BAZ2B: variants seen among roughly 807,000 people sequenced by gnomAD.
BAZ2B encodes the protein bromodomain adjacent to zinc finger domain protein 2B.
Under a neutral mutation model 246.0 loss-of-function variants are expected in BAZ2B, and 91 were observed. The observed-to-expected ratio is 0.37, with a 90% CI of 0.31 to 0.44. The LOEUF is 0.44. Ranked by LOEUF, BAZ2B falls within the 20% of genes least tolerant of loss-of-function variation. The pLI is 1.00. For missense variants in BAZ2B, 2,332 were observed against 2,533.7 expected (o/e 0.92, Z 1.71); for synonymous variants, 855 against 860.0 (o/e 0.99, Z 0.10).
At chr2:159,375,798 G>A (rs543566866) in intron 25 of BAZ2B, among the ~76,000 whole-genome samples, 4 of 152,048 alleles carry the variant, frequency 2.6e-5, no homozygotes, top group East Asian at 1.9e-4. Flanking sequence ...GGGAGATGAT[G>A]GAATAAATAA....
the BAZ2B span, among the ~76,000 whole-genome samples, chr2:159,668,893 C>T: frequency 6.6e-6 from 1 of 151,966 alleles, no homozygotes; most frequent in African/African-American, 2.4e-5. Context: ...CCCATCTCCA[C>T]TAAAATACAA....
At chr2:159,508,599 GT>G (rs1639867405) in intron 2 of BAZ2B, among the ~76,000 whole-genome samples, 1 of 117,738 alleles carries the variant, frequency 8.5e-6, no homozygotes, top group Non-Finnish European at 2.0e-5. Context: ...TGCCTCAGAG[GT>G]TTGCCAAAAA....
chr2:159,353,843 T>C (rs936851861), intron 27 of BAZ2B, among the ~76,000 whole-genome samples: 2 of 152,168 alleles, frequency 1.3e-5, no homozygotes, highest in Non-Finnish European at 2.9e-5. Context: ...TGACAAAGTT[T>C]AAATGCAAGA....
At chr2:159,333,929 A>G (rs762142543) in intron 33 of BAZ2B, among the ~76,000 whole-genome samples, 1 of 152,134 alleles carries the variant, frequency 6.6e-6, no homozygotes. Context: ...ACATTCCAAT[A>G]ATCAGTATCT....
chr2:159,681,163 G>T, the BAZ2B span, among the ~76,000 whole-genome samples: 13 of 152,084 alleles, frequency 8.5e-5, no homozygotes, highest in Non-Finnish European at 1.8e-4. Flanking sequence ...TACTATAAGA[G>T]AAAATCTTAT....
intron 1 of BAZ2B, among the ~76,000 whole-genome samples, chr2:159,579,361 C>A (rs1309717193): frequency 6.6e-6 from 1 of 152,108 alleles, no homozygotes; most frequent in Non-Finnish European, 1.5e-5. Context: ...TACACCCTCC[C>A]AAGACTAAAC....
At chr2:159,488,293 G>C (rs1286814384) in intron 2 of BAZ2B, among the ~76,000 whole-genome samples, 1 of 151,970 alleles carries the variant, frequency 6.6e-6, no homozygotes, top group Non-Finnish European at 1.5e-5. Context: ...GGCTGGTCTT[G>C]AACTCCTGAC....
intron 2 of BAZ2B, among the ~76,000 whole-genome samples, chr2:159,518,417 C>A (rs1312324489): frequency 6.6e-6 from 1 of 152,126 alleles, no homozygotes; most frequent in African/African-American, 2.4e-5. Flanking sequence ...TTTAACTGGA[C>A]CTGGTAGTGC....
intron 1 of BAZ2B, among the ~76,000 whole-genome samples, chr2:159,591,454 G>A (rs1304630675): frequency 1.3e-5 from 2 of 152,090 alleles, no homozygotes; most frequent in African/African-American, 4.8e-5. Context: ...GTAGGATAAG[G>A]AAAACAGAAG....
At chr2:159,380,715 A>G (rs185563353) in intron 25 of BAZ2B, among the ~76,000 whole-genome samples, 1 of 152,306 alleles carries the variant, frequency 6.6e-6, no homozygotes, top group East Asian at 1.9e-4. Context: ...CATGCTATGC[A>G]GAGGGTACCT....
In BAZ2B at chr2:159,325,830, G is replaced by C; in HGVS notation, c.6032C>G (p.Thr2011Arg). Residue 2011 changes from threonine (T) to arginine (R), a missense_variant, in exon 35 of 37, where the codon ACA becomes AGA. Thr to Arg is a moderately conservative substitution (Grantham distance 71). Around this residue, in one of 9 missense-constraint regions of BAZ2B, gnomAD observed 210 missense variants for 232.5 expected, o/e 0.90. Transcript: ENST00000392783. ...AGAGTCTTCATCTTCAGTATCTCCT[G>C]TTAAAGTTACCTTCTTGCCTTTCTT... is the stretch of plus-strand genomic sequence containing the variant. ...ESKKGKKVTL[T>R]GDTEDEDSAS... 1 of 1,609,012 alleles carries C rather than the reference G, an allele frequency of 6.2e-7. No individual in the cohort carries two copies. Among genetic ancestry groups the C allele is most frequent in the Non-Finnish European group, 8.5e-7 (1 of 1,178,608 alleles).
Position 159,381,104 on chromosome 2 carries a change from G to A in BAZ2B, c.4005+1455C>T, listed in dbSNP as rs781216827. 1.1e-3 allele frequency among the ~76,000 whole-genome samples: 169 copies of A among 152,054 alleles called. 5 individuals are homozygous for A. The highest frequency in any genetic ancestry group is 5.9e-4 in the Non-Finnish European group (40 of 68,000). ...CTCCTATTAAATACTGATGTTCCCT[G>A]AGGTTCCAACCTCAGTCCACTACTC... is the stretch of plus-strand genomic sequence containing the variant. On this transcript the variant is annotated intron_variant, in intron 25 of 36. Coordinates refer to ENST00000392783, the MANE Select transcript of BAZ2B (RefSeq NM_013450.4).
Position 159,446,848 on chromosome 2 carries a change from T to C in BAZ2B, c.630A>G (p.Arg210=). Reference sequence around the variant, plus strand: ...TTTTGCTTTGTTCCTGATTACATTTTCGATTTCCTCCACCTGAGCTTGTAC... The same window carrying C: ...TTTTGCTTTGTTCCTGATTACATTTCCGATTTCCTCCACCTGAGCTTGTAC... ...TKSTSSGGGN[R]KCNQEQSKNQ... Residue 210 remains arginine (R), a synonymous_variant, in exon 6 of 37, where the codon CGA becomes CGG. Coordinates refer to ENST00000392783, the MANE Select transcript of BAZ2B (RefSeq NM_013450.4). The C allele has an allele frequency of 2.5e-6, 4 of 1,613,720 alleles. No individual in the cohort carries two copies. The African/African-American group carries it at 5.3e-5, about 22-fold the overall frequency.
intron 1 of BAZ2B, among the ~76,000 whole-genome samples, chr2:159,578,537 A>C (rs1559822084): frequency 6.6e-6 from 1 of 152,202 alleles, no homozygotes; most frequent in Non-Finnish European, 1.5e-5. Flanking sequence ...GTTAACAAGG[A>C]TATCCAGGAA....
At chr2:159,581,664 AAAC>A (rs1686811418) in intron 1 of BAZ2B, among the ~76,000 whole-genome samples, 1 of 152,180 alleles carries the variant, frequency 6.6e-6, no homozygotes, top group African/African-American at 2.4e-5. Context: ...AAAGAATTGG[AAAC>A]AACCCAAATG....
rs867322345 is a variant in BAZ2B at position 159,519,520 on chromosome 2, G to T, written c.-3+36303C>A. On this transcript the variant is annotated intron_variant, in intron 2 of 36. Coordinates refer to ENST00000392783, the MANE Select transcript of BAZ2B (RefSeq NM_013450.4). ...GCTGGGATTACAGGCGTGAGCCACC[G>T]CGCCCGGCCTCATATTCTATTTTCT... Among the ~76,000 whole-genome samples, 7 of 151,236 alleles carry T rather than the reference G, an allele frequency of 4.6e-5. 1 individual carries two copies. Among genetic ancestry groups the T allele is most frequent in the Admixed American group, 4.6e-4 (7 of 15,204 alleles).
At chr2:159,554,388 A>G (rs946005003) in intron 2 of BAZ2B, among the ~76,000 whole-genome samples, 1 of 152,164 alleles carries the variant, frequency 6.6e-6, no homozygotes, top group African/African-American at 2.4e-5. Context: ...TTTTATTATA[A>G]AATATTCAGT....
At chr2:159,658,359 G>A in the BAZ2B span, among the ~76,000 whole-genome samples, 2 of 151,860 alleles carry the variant, frequency 1.3e-5, no homozygotes, top group Non-Finnish European at 2.9e-5. Flanking sequence ...TCTGCGACTG[G>A]GTCTCGCTGT....
intron 1 of BAZ2B, among the ~76,000 whole-genome samples, chr2:159,563,256 A>G (rs1009114705): frequency 6.6e-6 from 1 of 152,162 alleles, no homozygotes; most frequent in African/African-American, 2.4e-5. Flanking sequence ...AATTTGGTCT[A>G]ATGTTTTCAA....
Sources: allele counts gnomAD v4.1 joint callset (sites outside exome capture counted in the v4.1 genomes callset), GRCh38; gene constraint gnomAD v4.1.1; regional missense constraint gnomAD v4.1.1; transcripts MANE v1.5; gene names NCBI Gene and HGNC (gene_info 2026-07-23, HGNC 2026-07-21).